The following HDAC9 variants were observed in gnomAD, a reference collection of about 807,000 sequenced individuals.
HDAC9 encodes the protein MEF-2 interacting transcription repressor (MITR) protein.
Under a neutral mutation model 139.4 loss-of-function variants are expected in HDAC9, and 41 were observed. The ratio of observed to expected loss-of-function variants is 0.29; its 90% CI spans 0.23 to 0.38. The LOEUF (loss-of-function observed/expected upper bound fraction) is 0.38, where lower values mean the gene tolerates loss of function less well. Among genes scored for constraint, HDAC9 ranks in the 10% least tolerant of loss-of-function variants. The pLI is 1.00. For missense variants in HDAC9, 1,147 were observed against 1,297.0 expected, an observed-to-expected ratio of 0.88 and a Z score of 1.78; for synonymous variants, 517 against 476.2, an observed-to-expected ratio of 1.09 and a Z score of -1.12.
intron 1 of HDAC9, among the ~76,000 whole-genome samples, chr7:18,120,918 A>C (rs1016017812): frequency 6.6e-6 from 1 of 152,132 alleles, no homozygotes; most frequent in Non-Finnish European, 1.5e-5. Context: ...TAAGGATGAG[A>C]GTTTACTTCC....
At position 18,605,473 on chromosome 7, in the gene HDAC9, C is replaced by T. The variant is rs144679051; in HGVS notation, c.664+11444C>T. Among the ~76,000 whole-genome samples, 613 of 152,252 alleles carry T rather than the reference C, an allele frequency of 4.0e-3. 3 individuals carry two copies. The highest frequency in any genetic ancestry group is 0.014 in the African/African-American group (582 of 41,542). Reference sequence around the variant, plus strand: ...TAGGCTGTTGTTATGAAGAATCCTTCGTGTGTATTTCAAAATTGTTACTTT... The same window carrying T: ...TAGGCTGTTGTTATGAAGAATCCTTTGTGTGTATTTCAAAATTGTTACTTT... On this transcript the variant is annotated intron_variant, in intron 6 of 25. Coordinates refer to ENST00000686413, the MANE Select transcript of HDAC9 (RefSeq NM_178425.4).
At chr7:18,963,535 A>G (rs982778919) in intron 24 of HDAC9, among the ~76,000 whole-genome samples, 1 of 152,224 alleles carries the variant, frequency 6.6e-6, no homozygotes, top group Non-Finnish European at 1.5e-5. Flanking sequence ...TTAGAATAAT[A>G]AGACTTATTT....
chr7:18,697,379 CA>C (rs1783131676), intron 12 of HDAC9, among the ~76,000 whole-genome samples: 1 of 152,118 alleles, frequency 6.6e-6, no homozygotes, highest in Admixed American at 6.5e-5. Context: ...GTATAAAAAA[CA>C]GGTGAAACAT....
At chr7:18,681,643 T>C (rs1020284011) in intron 12 of HDAC9, among the ~76,000 whole-genome samples, 1 of 152,042 alleles carries the variant, frequency 6.6e-6, no homozygotes, top group Non-Finnish European at 1.5e-5. Context: ...ACATCCAGAT[T>C]TTAAAATTAG....
chr7:18,106,012 A>G (rs1392134876), intron 1 of HDAC9, among the ~76,000 whole-genome samples: 1 of 152,206 alleles, frequency 6.6e-6, no homozygotes, highest in East Asian at 1.9e-4. Context: ...TTTATAGGAA[A>G]TAGCCAAAGA....
chr7:18,221,735 G>C (rs757479931), intron 2 of HDAC9, among the ~76,000 whole-genome samples: 2 of 152,062 alleles, frequency 1.3e-5, no homozygotes, highest in African/African-American at 2.4e-5. Flanking sequence ...TTATGCCTTA[G>C]AGATAGGGAA....
At chr7:18,742,948 T>C (rs1440794886) in intron 13 of HDAC9, among the ~76,000 whole-genome samples, 3 of 152,236 alleles carry the variant, frequency 2.0e-5, no homozygotes, top group Non-Finnish European at 4.4e-5. Context: ...CCAGTGTCTT[T>C]TGACTTTTGA....
intron 2 of HDAC9, among the ~76,000 whole-genome samples, chr7:18,507,935 G>A (rs1800307154): frequency 6.6e-6 from 1 of 152,184 alleles, no homozygotes; most frequent in Non-Finnish European, 1.5e-5. Flanking sequence ...ATAACATGTT[G>A]CATCCTGACC....
intron 2 of HDAC9, among the ~76,000 whole-genome samples, chr7:18,199,148 G>T (rs1187749868): frequency 6.6e-6 from 1 of 152,116 alleles, no homozygotes; most frequent in Non-Finnish European, 1.5e-5. Context: ...ACAACTAACA[G>T]TTAAGAGTTT....
intron 11 of HDAC9, among the ~76,000 whole-genome samples, chr7:18,650,992 G>A (rs1394388854): frequency 3.3e-5 from 5 of 152,122 alleles, no homozygotes; most frequent in Non-Finnish European, 7.4e-5. Flanking sequence ...TGTCTAAGGG[G>A]ACAGAGAGGA....
chr7:18,984,415 C>A (rs534092521), intron 25 of HDAC9, among the ~76,000 whole-genome samples: 1 of 151,890 alleles, frequency 6.6e-6, no homozygotes, highest in African/African-American at 2.4e-5. Flanking sequence ...TATTACCATT[C>A]GAATTTGAGT....
intron 2 of HDAC9, among the ~76,000 whole-genome samples, chr7:18,187,178 G>A (rs574220419): frequency 4.6e-5 from 7 of 152,256 alleles, no homozygotes; most frequent in East Asian, 1.9e-4. Context: ...AAATAAAGGC[G>A]GGCAAAAATG....
chr7:18,609,601 T>C (rs1178745286), intron 6 of HDAC9, among the ~76,000 whole-genome samples: 2 of 152,166 alleles, frequency 1.3e-5, no homozygotes, highest in African/African-American at 4.8e-5. Flanking sequence ...AACAGAATTA[T>C]ATTTTCAGAA....
At chr7:18,766,969 C>T (rs1419152235) in intron 15 of HDAC9, 137 bp from the exon 16 acceptor site, 2 of 462,824 alleles carry the variant, frequency 4.3e-6, no homozygotes, top group Non-Finnish European at 7.7e-6. Context: ...AATAATTGGT[C>T]TGAAGTTTTA....
rs769755176 is a variant in HDAC9 at position 18,590,331 on chromosome 7, G to A, written c.265-5G>A. ...CACACTCTCATGTCTTTCTCTTCTC[G>A]CAAGTTGCAACAGGAACTTCTAGCC... On this transcript the variant is annotated splice_region_variant and splice_polypyrimidine_tract_variant and intron_variant, in intron 3 of 25. Transcript: ENST00000686413. 1.6e-5 allele frequency: 26 copies of A among 1,611,716 alleles called. No homozygotes were observed. Among genetic ancestry groups the A allele is most frequent in the Non-Finnish European group, 2.0e-5 (23 of 1,179,038 alleles).
chr7:18,578,927 A>T (rs115678619), intron 2 of HDAC9, among the ~76,000 whole-genome samples: 42 of 152,366 alleles, frequency 2.8e-4, no homozygotes, highest in African/African-American at 9.9e-4. Flanking sequence ...TTTAAACCAG[A>T]TAACTTCCTA....
chr7:18,155,093 C>CTTTCTTTCTTTCTTTCTTTCTTTCTTTTT (rs761803907), intron 1 of HDAC9, among the ~76,000 whole-genome samples: 1 of 141,694 alleles, frequency 7.1e-6, no homozygotes, highest in Non-Finnish European at 1.5e-5. Flanking sequence ...TTCTTTCTTT[C>CTTTCTTTCTTTCTTTCTTTCTTTCTTTTT]TTTTTTTTTT....
intron 13 of HDAC9, among the ~76,000 whole-genome samples, chr7:18,740,204 C>A (rs533065934): frequency 2.0e-5 from 3 of 152,274 alleles, no homozygotes; most frequent in African/African-American, 7.2e-5. Flanking sequence ...AAAGGGAAAT[C>A]CCCCAACCCC....
At chr7:18,304,624 AG>A (rs1798792222) in intron 1 of HDAC9, among the ~76,000 whole-genome samples, 1 of 152,184 alleles carries the variant, frequency 6.6e-6, no homozygotes, top group African/African-American at 2.4e-5. Context: ...TTGACAAAAA[AG>A]TAATAGAGAT....
Sources: allele counts gnomAD v4.1 joint callset (sites outside exome capture counted in the v4.1 genomes callset), GRCh38; gene constraint gnomAD v4.1.1; transcripts MANE v1.5; gene names NCBI Gene and HGNC (gene_info 2026-07-23, HGNC 2026-07-21).